The following THBS2 variants were observed in gnomAD, a reference collection of about 807,000 sequenced individuals.
THBS2 encodes the protein thrombospondin-2.
THBS2 carries 47 observed loss-of-function variants against 135.2 expected under a neutral mutation model. That is an observed-to-expected ratio of 0.35 (90% CI 0.28 to 0.44). The LOEUF is 0.44. Among genes scored for constraint, THBS2 ranks in the 20% least tolerant of loss-of-function variants. The pLI is 1.00. For synonymous variants in THBS2, 639 were observed against 633.8 expected (o/e 1.01, Z -0.12); for missense variants, 1,288 against 1,603.1 (o/e 0.80, Z 3.36).
intron 19 of THBS2, 25 bp from the exon 20 acceptor site, chr6:169,221,552 A>C: frequency 6.2e-7 from 1 of 1,610,390 alleles, no homozygotes; most frequent in Non-Finnish European, 8.5e-7. Flanking sequence ...AGCACTCTTG[A>C]GTGCCATGGG....
chr6:169,243,244 C>T (rs1448522783), intron 4 of THBS2, among the ~76,000 whole-genome samples: 2 of 152,092 alleles, frequency 1.3e-5, no homozygotes, highest in African/African-American at 2.4e-5. Context: ...CCTCTGAAGC[C>T]CTAGATCGTG....
intron 21 of THBS2, 96 bp from the exon 22 acceptor site, chr6:169,217,925 T>TTTAA: frequency 8.3e-7 from 1 of 1,200,136 alleles, no homozygotes; most frequent in Non-Finnish European, 1.2e-6. Flanking sequence ...ATATAATTAC[T>TTTAA]TTAATTAAAG....
In THBS2 at chr6:169,241,547, A is replaced by T. The variant is rs1780297980; in HGVS notation, c.891+215T>A. The stretch of plus-strand genomic sequence containing the variant: ...TGTGCCCAGGACTGTTTTCCTTGGG[A>T]ATACTTCCCAAGATCTACCCAACTT... On this transcript the variant is annotated intron_variant, in intron 5 of 21. Coordinates refer to ENST00000617924, the MANE Select transcript of THBS2 (RefSeq NM_003247.5). The surrounding 1 kb of genome is among the most constrained non-coding windows in gnomAD (Gnocchi z 5.5). Among the ~76,000 whole-genome samples the T allele has an allele frequency of 6.6e-6, 1 of 151,614 alleles. No individual in the cohort carries two copies. The highest frequency in any genetic ancestry group is 2.1e-4 in the South Asian group (1 of 4,812).
At chr6:169,222,969 C>G (rs969598951) in intron 18 of THBS2, among the ~76,000 whole-genome samples, 1 of 152,062 alleles carries the variant, frequency 6.6e-6, no homozygotes, top group Non-Finnish European at 1.5e-5. Flanking sequence ...TCTTTTAGAT[C>G]CAACTTACAA....
rs184062464 is a variant in THBS2 at position 169,220,208 on chromosome 6, G to A, written c.3501C>T (p.Tyr1167=). ...QEMVYFSDLK[Y]ECRDI ...AGTGCTCACACTCACCTCTGCATTC[G>A]TACTTGAGGTCTGAGAAATAGACCA... is the stretch of plus-strand genomic sequence containing the variant. Residue 1167 remains tyrosine (Y), a synonymous_variant, in exon 21 of 22, where the codon TAC becomes TAT. Transcript: ENST00000617924. The A allele has an allele frequency of 3.9e-5, 63 of 1,613,530 alleles. No individual in the cohort carries two copies. In the East Asian group the frequency reaches 8.7e-4, roughly 22 times the overall value.
intron 7 of THBS2, chr6:169,239,275 G>T: frequency 2.6e-6 from 1 of 390,376 alleles, no homozygotes; most frequent in Non-Finnish European, 4.6e-6. Flanking sequence ...ACAGATCTAC[G>T]TGTGTTCTCT....
In THBS2 at chr6:169,234,903, A is replaced by G; in HGVS notation, c.1482T>C (p.Asp494=). 5 of 1,597,660 alleles carry G rather than the reference A, an allele frequency of 3.1e-6. No individual in the cohort carries two copies. Among genetic ancestry groups the G allele is most frequent in the African/African-American group, 1.4e-5 (1 of 74,064 alleles). The part of the protein sequence containing the change: ...KACQGAPCPI[D]GRWSPWSPWS... Reference sequence around the variant, plus strand: ...ACGGGGACCAGGGGCTCCAGCGGCCATCGACTGCGGGGAAAGCCAACCAGG... The same window carrying G: ...ACGGGGACCAGGGGCTCCAGCGGCCGTCGACTGCGGGGAAAGCCAACCAGG... The change falls in exon 10 of 22, where the codon GAT becomes GAC. Residue 494 remains aspartate, a synonymous_variant. Transcript: ENST00000617924.
intron 17 of THBS2, among the ~76,000 whole-genome samples, chr6:169,223,928 C>T (rs548644203): frequency 6.6e-6 from 1 of 152,264 alleles, no homozygotes; most frequent in Admixed American, 6.5e-5. Flanking sequence ...ATGGTTTTTC[C>T]TAGGGAGACA....
chr6:169,237,128 T>C lies in THBS2; in HGVS notation c.1477+42A>G, dbSNP rs752834161. On this transcript the variant is annotated intron_variant, in intron 9 of 21. Transcript: ENST00000617924. Reference sequence around the variant, plus strand: ...CTGTGGCTGCTCACTGTGAGCTGCCTGCAAGCCCGCCCACCCAGGGCCCCG... The same window carrying C: ...CTGTGGCTGCTCACTGTGAGCTGCCCGCAAGCCCGCCCACCCAGGGCCCCG... The C allele has an allele frequency of 1.2e-5, 19 of 1,568,156 alleles. No homozygotes were observed. In the African/African-American group the frequency reaches 2.2e-4, roughly 18 times the overall value.
In THBS2 at chr6:169,223,493, G is replaced by GCAAAAA. The variant is rs770270953; in HGVS notation, c.2774-24_2774-19dup. On this transcript the variant is annotated intron_variant, in intron 17 of 21. Transcript: ENST00000617924. ...TCCATCACCTATGCACAAAGAACAA[G>GCAAAAA]CAAAAACAAAAACAAAAACAAAGAA... is the stretch of plus-strand genomic sequence containing the variant. The GCAAAAA allele has an allele frequency of 8.1e-6, 13 of 1,600,038 alleles. No homozygotes were observed. In the Middle Eastern group the frequency reaches 5.0e-4, roughly 62 times the overall value.
Position 169,232,115 on chromosome 6 carries a change from G to A in THBS2, c.2016C>T (p.Ser672=), listed in dbSNP as rs2114994678. ...HAECIYLGHF[S]DPMYKCECQT... ...GGCACTCGCACTTGTACATGGGGTC[G>A]CTGAAGTGGCCCAGGTAGATGCACT... The change falls in exon 13 of 22, where the codon AGC becomes AGT. Residue 672 remains serine, a synonymous_variant. Transcript: ENST00000617924. 1.2e-6 allele frequency: 2 copies of A among 1,614,100 alleles called. No individual in the cohort carries two copies. Among genetic ancestry groups the A allele is most frequent in the Non-Finnish European group, 8.5e-7 (1 of 1,179,992 alleles).
chr6:169,231,922 C>A, intron 13 of THBS2, 58 bp downstream of exon 13: 2 of 1,583,936 alleles, frequency 1.3e-6, no homozygotes, highest in Non-Finnish European at 1.7e-6. Context: ...GCGTCCCCGG[C>A]GCCAGGAGGA....
chr6:169,237,400 C>T, intron 8 of THBS2, 54 bp from the exon 9 acceptor site: 1 of 1,603,718 alleles, frequency 6.2e-7, no homozygotes, highest in Non-Finnish European at 8.5e-7. Flanking sequence ...GGGTATTTGC[C>T]TGTAAGCGGT....
intron 17 of THBS2, 27 bp from the exon 18 acceptor site, chr6:169,223,502 AAAAC>A: frequency 6.3e-7 from 1 of 1,599,666 alleles, no homozygotes; most frequent in Non-Finnish European, 8.5e-7. Context: ...AGCAAAAACA[AAAAC>A]AAAAACAAAG....
At position 169,240,554 on chromosome 6, in the gene THBS2, G is replaced by A. The variant is rs1780253836; in HGVS notation, c.930C>T (p.Gly310=). 2 of 1,613,968 alleles carry A rather than the reference G, an allele frequency of 1.2e-6. No individual in the cohort carries two copies. Among genetic ancestry groups the A allele is most frequent in the East Asian group, 2.2e-5 (1 of 44,882 alleles). ...DNQFLWELIG[G]PPKTRNMSAC... The stretch of plus-strand genomic sequence containing the variant: ...CTGACATGTTCCTTGTCTTAGGAGG[G>A]CCACCAATGAGCTCCCAGAGAAACT... The change falls in exon 6 of 22, where the codon GGC becomes GGT. Residue 310 remains glycine, a synonymous_variant. Transcript: ENST00000617924.
In THBS2 at chr6:169,241,594, T is replaced by C. The variant is rs1023711734; in HGVS notation, c.891+168A>G. ...ACTTCCCTCTAACAATGCTGAATAT[T>C]GAGCAAGGATCCTGAGGAGCCCGGC... On this transcript the variant is annotated intron_variant, in intron 5 of 21. Coordinates refer to ENST00000617924, the MANE Select transcript of THBS2 (RefSeq NM_003247.5). The surrounding 1 kb of genome is among the most constrained non-coding windows in gnomAD (Gnocchi z 5.5). Among the ~76,000 whole-genome samples the C allele has an allele frequency of 6.6e-6, 1 of 152,096 alleles. No homozygotes were observed. Among genetic ancestry groups the C allele is most frequent in the African/African-American group, 2.4e-5 (1 of 41,414 alleles).
At chr6:169,240,404 T>C (rs1780246257) in intron 6 of THBS2, 48 bp downstream of exon 6, 2 of 1,599,584 alleles carry the variant, frequency 1.3e-6, no homozygotes, top group South Asian at 2.2e-5. Context: ...TTCTGCCAAG[T>C]GTCCGATGGT....
intron 3 of THBS2, among the ~76,000 whole-genome samples, chr6:169,247,306 G>C (rs7381832): frequency 2.0e-5 from 3 of 152,142 alleles, no homozygotes; most frequent in Admixed American, 6.5e-5. Flanking sequence ...GTGAAAGTAC[G>C]TATGTGCTGA....
rs753525633 is a variant in THBS2 at position 169,233,599 on chromosome 6, C to T, written c.1652-582G>A. Among the ~76,000 whole-genome samples, 25 of 139,230 alleles carry T rather than the reference C, an allele frequency of 1.8e-4. 2 individuals carry two copies. The highest frequency in any genetic ancestry group is 3.4e-4 in the Non-Finnish European group (21 of 62,042). The allele number at this position is 139,230 out of a possible 152,430, so 91.3% of individuals were successfully genotyped here. A position where few individuals can be genotyped will look rare whatever the true frequency, so the allele number is the denominator to read the frequency against. On this transcript the variant is annotated intron_variant, in intron 10 of 21. Transcript: ENST00000617924. ...CCCATGCGTCACTTTCCACACCACACAAATACCTACGTGCCATGTTCCAGA... is the reference window on the plus strand; with the variant it reads ...CCCATGCGTCACTTTCCACACCACATAAATACCTACGTGCCATGTTCCAGA...
Sources: gnomAD v4.1 joint callset for allele counts (sites outside exome capture counted in the v4.1 genomes callset) on GRCh38, gnomAD v4.1.1 for gene constraint, Gnocchi (gnomAD v3.1) non-coding constraint, MANE v1.5 for transcripts, NCBI Gene and HGNC (gene_info 2026-07-23, HGNC 2026-07-21) for gene names.